Variants in RAC2 observed in about 807,000 individuals in gnomAD.
RAC2 encodes ras-related C3 botulinum toxin substrate 2.
Under a neutral mutation model 24.0 loss-of-function variants are expected in RAC2, and 1 was observed. The ratio of observed to expected loss-of-function variants is 0.04; its 90% confidence interval spans 0.01 to 0.20. The LOEUF (loss-of-function observed/expected upper bound fraction) is 0.20. RAC2 is among the 10% of genes least tolerant of loss of function. The probability of loss-of-function intolerance (pLI) is 1.00; values close to 1 mark genes in which losing one functional copy is unlikely to be tolerated. For missense variants in RAC2, 130 were observed against 259.1 expected (o/e 0.50, Z 3.42); for synonymous variants, 114 against 106.8 (o/e 1.07, Z -0.41).
intron 2 of RAC2, among the ~76,000 whole-genome samples, chr22:37,237,812 G>T (rs966032882): frequency 1.3e-5 from 2 of 151,956 alleles, no homozygotes; most frequent in Non-Finnish European, 2.9e-5. Flanking sequence ...TAAGGGCCCC[G>T]TCCTCAGGGA....
chr22:37,239,495 A>C (rs1927328119), intron 2 of RAC2, among the ~76,000 whole-genome samples: 1 of 152,196 alleles, frequency 6.6e-6, no homozygotes, highest in Non-Finnish European at 1.5e-5. Context: ...CCAGGACAAC[A>C]AAGTCCACTA....
intron 5 of RAC2, among the ~76,000 whole-genome samples, chr22:37,229,375 T>G (rs1926986722): frequency 6.6e-6 from 1 of 152,128 alleles, no homozygotes; most frequent in Admixed American, 6.5e-5. Flanking sequence ...AGTCCACCCC[T>G]GTCAGAATCC....
chr22:37,240,685 C>T, intron 2 of RAC2: 2 of 319,634 alleles, frequency 6.3e-6, no homozygotes, highest in South Asian at 8.6e-5. Context: ...CCTCCACAGG[C>T]TCATAGTCAT....
At position 37,231,560 on chromosome 22, in the gene RAC2, A is replaced by T; in HGVS notation, c.289-170T>A. On this transcript the variant is annotated intron_variant, in intron 4 of 6. Coordinates refer to ENST00000249071, the MANE Select transcript of RAC2 (RefSeq NM_002872.5). This position sits in a 1 kb window ranked among gnomAD's most constrained non-coding sequence, Gnocchi z 5.5. Reference sequence around the variant, plus strand: ...GAGAGAGACGTGAGGTGGCACAGGGAGGGGAGGCCACGACGTTGTGCAGGA... The same window carrying T: ...GAGAGAGACGTGAGGTGGCACAGGGTGGGGAGGCCACGACGTTGTGCAGGA... The T allele has an allele frequency of 1.5e-6, 1 of 646,752 alleles. No individual in the cohort carries two copies. Among genetic ancestry groups the T allele is most frequent in the Non-Finnish European group, 2.7e-6 (1 of 370,994 alleles). 40.1% of individuals were successfully genotyped at this position (646,752 alleles called of 1,614,324 possible). A position where few individuals can be genotyped will look rare whatever the true frequency, so the allele number is the denominator to read the frequency against.
chr22:37,231,918 C>T lies in RAC2; in HGVS notation c.288+14G>A, dbSNP rs1341280397. Reference sequence around the variant, plus strand: ...CTGCCCCAGAGCCCCCAAGGCCCACCCTGTCCAGCTCACCTTGGCGCGGAC... The same window carrying T: ...CTGCCCCAGAGCCCCCAAGGCCCACTCTGTCCAGCTCACCTTGGCGCGGAC... On this transcript the variant is annotated intron_variant, in intron 4 of 6. Coordinates refer to ENST00000249071, the MANE Select transcript of RAC2 (RefSeq NM_002872.5). The surrounding 1 kb of genome is among the most constrained non-coding windows in gnomAD (Gnocchi z 5.5). 1 of 1,551,606 alleles carries T rather than the reference C, an allele frequency of 6.4e-7. No homozygotes were observed. The highest frequency in any genetic ancestry group is 1.2e-5 in the South Asian group (1 of 84,064).
chr22:37,242,175 C>T (rs1222485872), intron 1 of RAC2, among the ~76,000 whole-genome samples: 79 of 152,194 alleles, frequency 5.2e-4, no homozygotes, highest in Admixed American at 5.2e-3. Context: ...GCACTGAGCA[C>T]AGGGCCTGAT....
At chr22:37,230,860 C>T (rs1373199059) in intron 5 of RAC2, among the ~76,000 whole-genome samples, 1 of 152,168 alleles carries the variant, frequency 6.6e-6, no homozygotes, top group Non-Finnish European at 1.5e-5. Context: ...CTGCTTCTGT[C>T]TGCTCAAAGC....
intron 3 of RAC2, 197 bp downstream of exon 3, chr22:37,232,604 G>A (rs55849159): frequency 3.3e-5 from 20 of 610,910 alleles, no homozygotes; most frequent in Middle Eastern, 4.4e-4. Context: ...ATTGAGGACC[G>A]GGAACCAATG....
At chr22:37,229,938 G>C (rs1244925108) in intron 5 of RAC2, among the ~76,000 whole-genome samples, 2 of 152,238 alleles carry the variant, frequency 1.3e-5, no homozygotes, top group East Asian at 3.8e-4. Flanking sequence ...TGCTTTACAA[G>C]GGAGAGGTCA....
At chr22:37,226,954 C>A in intron 5 of RAC2, 151 bp from the exon 6 acceptor site, 1 of 902,472 alleles carries the variant, frequency 1.1e-6, no homozygotes, top group South Asian at 1.4e-5. Flanking sequence ...CCGTGCCATA[C>A]ACCCCTCCCA....
chr22:37,229,265 G>T (rs4140869), intron 5 of RAC2, among the ~76,000 whole-genome samples: 12 of 147,400 alleles, frequency 8.1e-5, no homozygotes, highest in African/African-American at 2.5e-4. Flanking sequence ...GAGGCAGGGG[G>T]CAGGGGAGCT....
intron 2 of RAC2, among the ~76,000 whole-genome samples, chr22:37,238,143 G>T (rs1019278270): frequency 6.6e-6 from 1 of 152,272 alleles, no homozygotes; most frequent in East Asian, 1.9e-4. Flanking sequence ...TGTTGTTCAC[G>T]GTTTGCGCAT....
intron 2 of RAC2, among the ~76,000 whole-genome samples, chr22:37,238,697 A>G (rs1316563200): frequency 6.6e-6 from 1 of 152,176 alleles, no homozygotes; most frequent in Admixed American, 6.5e-5. Context: ...CCATCCACAG[A>G]GCAGACTCAG....
rs143994118 is a variant in RAC2 at position 37,240,762 on chromosome 22, C to G, written c.107+825G>C. The stretch of plus-strand genomic sequence containing the variant: ...TTCGTGGTAGATCAGAAAGGCTTCC[C>G]GGAGGAGGGGGCACTGGAGCTGCGC... On this transcript the variant is annotated intron_variant, in intron 2 of 6. Transcript: ENST00000249071. 8.3e-6 allele frequency: 4 copies of G among 481,382 alleles called. No individual in the cohort carries two copies. In the East Asian group the frequency reaches 1.4e-4, roughly 17 times the overall value. The allele number at this position is 481,382 out of a possible 1,614,324, so 29.8% of individuals were successfully genotyped here.
intron 2 of RAC2, among the ~76,000 whole-genome samples, chr22:37,237,276 G>C (rs1037582748): frequency 6.6e-6 from 1 of 151,782 alleles, no homozygotes; most frequent in Non-Finnish European, 1.5e-5. Flanking sequence ...AAGTCTTAGG[G>C]AGGGGCCAGA....
intron 2 of RAC2, among the ~76,000 whole-genome samples, chr22:37,236,797 T>A (rs1322372634): frequency 6.6e-6 from 1 of 152,026 alleles, no homozygotes; most frequent in Admixed American, 6.5e-5. Context: ...AAAGGATTGA[T>A]GTCATAGGGG....
At chr22:37,240,033 G>T (rs929979617) in intron 2 of RAC2, among the ~76,000 whole-genome samples, 3 of 152,222 alleles carry the variant, frequency 2.0e-5, no homozygotes, top group African/African-American at 7.2e-5. Context: ...TCTCTGCTAG[G>T]GTTTCCCTGC....
intron 1 of RAC2, among the ~76,000 whole-genome samples, chr22:37,242,920 T>C (rs2213430): frequency 0.58 from 88,996 of 152,176 alleles, 26,261 homozygotes; most frequent in African/African-American, 0.66. Context: ...TAGAACATGC[T>C]CCAGGGTGAG....
intron 5 of RAC2, among the ~76,000 whole-genome samples, chr22:37,230,100 C>T (rs1237965561): frequency 1.3e-5 from 2 of 152,004 alleles, no homozygotes; most frequent in Non-Finnish European, 2.9e-5. Context: ...GAGCTGTGGC[C>T]CTAGGACAGG....
Sources: gnomAD v4.1 joint callset for allele counts (sites outside exome capture counted in the v4.1 genomes callset) on GRCh38, gnomAD v4.1.1 for gene constraint, Gnocchi (gnomAD v3.1) non-coding constraint, MANE v1.5 for transcripts, NCBI Gene and HGNC (gene_info 2026-07-23, HGNC 2026-07-21) for gene names.